The following SNRPD2 variants were observed in gnomAD, a reference collection of about 807,000 sequenced individuals.
SNRPD2 encodes small nuclear ribonucleoprotein D2 polypeptide.
In SNRPD2, 1 loss-of-function variant was observed where a neutral mutation model predicts 11.5. The ratio of observed to expected loss-of-function variants is 0.09; its 90% CI spans 0.03 to 0.41. The LOEUF is 0.41. Ranked by LOEUF, SNRPD2 falls within the 10% of genes least tolerant of loss-of-function variation. The pLI is 0.98. For missense variants in SNRPD2, 77 were observed against 154.9 expected, an observed-to-expected ratio of 0.50 and a Z score of 2.67; for synonymous variants, 63 against 61.5, an observed-to-expected ratio of 1.02 and a Z score of -0.12.
intron 1 of SNRPD2, chr19:45,691,607 A>C: frequency 4.4e-6 from 2 of 454,018 alleles, no homozygotes; most frequent in Admixed American, 3.6e-5. Context: ...CCTGTGTTCC[A>C]GCGATGCTCC....
rs559788438 is a variant in SNRPD2, at chr19:45,691,555, G to T, written c.2+332C>A. On this transcript the variant is annotated intron_variant, in intron 1 of 2. Transcript: ENST00000342669. Reference sequence around the variant, plus strand: ...AATTAAATTTTTTTTTTTTTTTGTAGAGACGGGGGTCTCGCTATGTTGCCT... The same window carrying T: ...AATTAAATTTTTTTTTTTTTTTGTATAGACGGGGGTCTCGCTATGTTGCCT... 184 of 203,482 alleles carry T rather than the reference G, an allele frequency of 9.0e-4. 1 individual carries two copies. The highest frequency in any genetic ancestry group is 2.2e-3 in the African/African-American group (78 of 34,888). 12.6% of individuals were successfully genotyped at this position (203,482 alleles called of 1,614,324 possible).
In SNRPD2 at chr19:45,688,781, G is replaced by A. The variant is rs1967470615; in HGVS notation, c.3-215C>T. 6.6e-6 allele frequency among the ~76,000 whole-genome samples: 1 copy of A among 151,518 alleles called. No homozygotes were observed. Among genetic ancestry groups the A allele is most frequent in the African/African-American group, 2.4e-5 (1 of 41,192 alleles). ...GGAGTCTTGATCTGTTGCCCAGGCTGGAGCGCAGTGATGTGATCTCGGCTC... is the reference window on the plus strand; with the variant it reads ...GGAGTCTTGATCTGTTGCCCAGGCTAGAGCGCAGTGATGTGATCTCGGCTC... On this transcript the variant is annotated intron_variant, in intron 1 of 2. Transcript: ENST00000342669. This position sits in a 1 kb window ranked among gnomAD's most constrained non-coding sequence, Gnocchi z 4.1.
chr19:45,689,931 G>A (rs1005561869), intron 1 of SNRPD2, among the ~76,000 whole-genome samples: 7 of 152,054 alleles, frequency 4.6e-5, no homozygotes, highest in Non-Finnish European at 1.0e-4. Flanking sequence ...CAGCTACTTG[G>A]GAGGCTGAGG....
rs1254953695 is a variant in SNRPD2, at chr19:45,687,791, C to T, written c.183-64G>A. On this transcript the variant is annotated intron_variant, in intron 2 of 2. Transcript: ENST00000342669. This position sits in a 1 kb window ranked among gnomAD's most constrained non-coding sequence, Gnocchi z 4.1. The stretch of plus-strand genomic sequence containing the variant: ...GGCGTGCCTCTGACAGTGCCCCCTA[C>T]TGCCTGCTGCTCGCCCCCTCCAGCA... The T allele has an allele frequency of 2.3e-6, 3 of 1,329,126 alleles. No homozygotes were observed. Among genetic ancestry groups the T allele is most frequent in the Non-Finnish European group, 3.2e-6 (3 of 933,642 alleles). 82.3% of individuals were successfully genotyped at this position (1,329,126 alleles called of 1,614,324 possible).
chr19:45,688,260 G>A lies in SNRPD2; in HGVS notation c.182+127C>T. ...GCCTTCCCAAAGTGCTGGGATTACA[G>A]GCATGAGCCACCACGCCTGGCCATA... On this transcript the variant is annotated intron_variant, in intron 2 of 2. Coordinates refer to ENST00000342669, the MANE Select transcript of SNRPD2 (RefSeq NM_001384647.1). This position sits in a 1 kb window ranked among gnomAD's most constrained non-coding sequence, Gnocchi z 4.1. 1 of 763,886 alleles carries A rather than the reference G, an allele frequency of 1.3e-6. No individual in the cohort carries two copies. The highest frequency in any genetic ancestry group is 2.2e-6 in the Non-Finnish European group (1 of 463,436). The allele number at this position is 763,886 out of a possible 1,614,324, so 47.3% of individuals were successfully genotyped here.
chr19:45,692,197 G>A (rs1286891053), upstream of SNRPD2: 2 of 493,564 alleles, frequency 4.1e-6, no homozygotes, highest in East Asian at 4.0e-5. Flanking sequence ...GGTTGAAGGA[G>A]GGAAATGACA....
rs768063363 is a variant in SNRPD2, at chr19:45,688,404, G to A, written c.165C>T (p.Arg55=). 4.3e-6 allele frequency: 7 copies of A among 1,614,180 alleles called. No individual in the cohort carries two copies. Among genetic ancestry groups the A allele is most frequent in the South Asian group, 3.3e-5 (3 of 91,088 alleles). The change falls in exon 2 of 3, where the codon CGC becomes CGT. Residue 55 remains arginine (R), a synonymous_variant. Transcript: ENST00000342669. The surrounding 1 kb of genome is among the most constrained non-coding windows in gnomAD (Gnocchi z 4.1). ...GCACTCACCTATCGAAGGCCTTCAC[G>A]CGGCCCAGGAGTTTCTTATTGTTGC... is the stretch of plus-strand genomic sequence containing the variant. The part of the protein sequence containing the change: ...NCRNNKKLLG[R]VKAFDRHCNM...
chr19:45,692,071 A>G, upstream of SNRPD2: 2 of 1,521,098 alleles, frequency 1.3e-6, no homozygotes, highest in Non-Finnish European at 1.8e-6. Context: ...ATGATGGAAT[A>G]AAAGCTTCGG....
At chr19:45,691,216 C>T (rs1461133136) in intron 1 of SNRPD2, among the ~76,000 whole-genome samples, 1 of 152,122 alleles carries the variant, frequency 6.6e-6, no homozygotes, top group Non-Finnish European at 1.5e-5. Context: ...CTGCAACCTC[C>T]GCCTCCCGGG....
Position 45,688,288 on chromosome 19 carries a change from C to A in SNRPD2, c.182+99G>T, listed in dbSNP as rs1322535516. ...ATGAGCCACCACGCCTGGCCATACA[C>A]CCCAGGCTTCTGAGACAGCTGTCTT... On this transcript the variant is annotated intron_variant, in intron 2 of 2. Coordinates refer to ENST00000342669, the MANE Select transcript of SNRPD2 (RefSeq NM_001384647.1). The surrounding 1 kb of genome is among the most constrained non-coding windows in gnomAD (Gnocchi z 4.1). 4 of 1,088,044 alleles carry A rather than the reference C, an allele frequency of 3.7e-6. No homozygotes were observed. Among genetic ancestry groups the A allele is most frequent in the Admixed American group, 2.1e-5 (1 of 46,732 alleles). 67.4% of individuals were successfully genotyped at this position (1,088,044 alleles called of 1,614,324 possible).
chr19:45,691,798 C>CG, intron 1 of SNRPD2, 89 bp downstream of exon 1: 1 of 1,520,186 alleles, frequency 6.6e-7, no homozygotes, highest in Non-Finnish European at 9.1e-7. Flanking sequence ...CCCCTGCCCC[C>CG]CCCGCTCTGC....
chr19:45,691,639 G>A, intron 1 of SNRPD2: 1 of 553,718 alleles, frequency 1.8e-6, no homozygotes, highest in African/African-American at 1.9e-5. Context: ...CTAAAGTGCT[G>A]GGATCACAGG....
chr19:45,690,249 T>G (rs1967502705), intron 1 of SNRPD2, among the ~76,000 whole-genome samples: 1 of 141,244 alleles, frequency 7.1e-6, no homozygotes, highest in Admixed American at 7.8e-5. Flanking sequence ...GAGAATGGCG[T>G]GAACCCCAGG....
At position 45,688,550 on chromosome 19, in the gene SNRPD2, G is replaced by T; in HGVS notation, c.19C>A (p.Pro7Thr). ...TCCTCTGGGGTCATCTCACTCTTGGGCTTGTTGAGGAGGCTCCTGCATGGA... is the reference window on the plus strand; with the variant it reads ...TCCTCTGGGGTCATCTCACTCTTGGTCTTGTTGAGGAGGCTCCTGCATGGA... Reference protein sequence around the residue: MSLLNKPKSEMTPEELQ... With the variant: MSLLNKTKSEMTPEELQ... The change falls in exon 2 of 3, where the codon CCC becomes ACC. Residue 7 changes from proline (P) to threonine (T), a missense_variant. By Grantham distance (38) the Pro-to-Thr change is conservative. Coordinates refer to ENST00000342669, the MANE Select transcript of SNRPD2 (RefSeq NM_001384647.1). This position sits in a 1 kb window ranked among gnomAD's most constrained non-coding sequence, Gnocchi z 4.1. 6.2e-7 allele frequency: 1 copy of T among 1,613,964 alleles called. No homozygotes were observed. Among genetic ancestry groups the T allele is most frequent in the Non-Finnish European group, 8.5e-7 (1 of 1,179,896 alleles).
chr19:45,691,924 T>C lies in SNRPD2; in HGVS notation c.-36A>G, dbSNP rs376783514. 3 of 1,614,014 alleles carry C rather than the reference T, an allele frequency of 1.9e-6. No homozygotes were observed. Among genetic ancestry groups the C allele is most frequent in the African/African-American group, 1.3e-5 (1 of 74,928 alleles). Reference sequence around the variant, plus strand: ...ACGCTCTCCGTTCACTCCCGTTTCCTCCGCGTTGCTGCTGCCTGAGGAGAG... The same window carrying C: ...ACGCTCTCCGTTCACTCCCGTTTCCCCCGCGTTGCTGCTGCCTGAGGAGAG... On this transcript the variant is annotated 5_prime_UTR_variant, in exon 1 of 3. Transcript: ENST00000342669.
At chr19:45,690,415 C>G (rs557327926) in intron 1 of SNRPD2, among the ~76,000 whole-genome samples, 49 of 150,932 alleles carry the variant, frequency 3.2e-4, no homozygotes, top group African/African-American at 1.0e-3. Context: ...GCAGGAAGAT[C>G]GCTTGAACCC....
rs748374764 is a variant in SNRPD2 at position 45,687,564 on chromosome 19, C to T, written c.346G>A (p.Ala116Thr). 31 of 1,613,992 alleles carry T rather than the reference C, an allele frequency of 1.9e-5. No individual in the cohort carries two copies. Among genetic ancestry groups the T allele is most frequent in the Middle Eastern group, 1.6e-4 (1 of 6,062 alleles). Residue 116 changes from alanine to threonine, a missense_variant, in exon 3 of 3, where the codon GCC (alanine) becomes ACC (threonine). Transcript: ENST00000342669. The surrounding 1 kb of genome is among the most constrained non-coding windows in gnomAD (Gnocchi z 4.1). ...CAGACAGGCGGCCCCTACTTGCCGG[C>T]GATGAGCGGGTTCCGCAGGACCACG... ...VIVVLRNPLIAGK is the reference protein window; with the variant it reads ...VIVVLRNPLITGK
In SNRPD2 at chr19:45,691,943, A is replaced by G. The variant is rs1967573166; in HGVS notation, c.-55T>C. 7.4e-6 allele frequency: 12 copies of G among 1,613,868 alleles called. No homozygotes were observed. The highest frequency in any genetic ancestry group is 1.0e-5 in the Non-Finnish European group (12 of 1,179,852). On this transcript the variant is annotated 5_prime_UTR_variant, in exon 1 of 3. Transcript: ENST00000342669. ...GTTTCCTCCGCGTTGCTGCTGCCTG[A>G]GGAGAGAGAGGCGGGACTTCCTCTT...
chr19:45,691,660 C>A, intron 1 of SNRPD2: 3 of 614,816 alleles, frequency 4.9e-6, no homozygotes, highest in Non-Finnish European at 8.8e-6. Flanking sequence ...AATGAGCCCC[C>A]GCGCCCAGCC....
Sources: allele counts gnomAD v4.1 joint callset (sites outside exome capture counted in the v4.1 genomes callset), GRCh38; gene constraint gnomAD v4.1.1; non-coding constraint Gnocchi (gnomAD v3.1); transcripts MANE v1.5; gene names NCBI Gene and HGNC (gene_info 2026-07-23, HGNC 2026-07-21).